Variants in MAPKAP1 observed in about 807,000 individuals in gnomAD.
MAPKAP1 encodes the protein target of rapamycin complex 2 subunit MAPKAP1.
MAPKAP1 carries 20 observed loss-of-function variants against 65.7 expected under a neutral mutation model. The ratio of observed to expected loss-of-function variants is 0.30; its 90% CI spans 0.21 to 0.44. The LOEUF is 0.44. Among genes scored for constraint, MAPKAP1 ranks in the 20% least tolerant of loss-of-function variants. The pLI, the probability that MAPKAP1 is intolerant of heterozygous loss-of-function variation, is 1.00. For synonymous variants in MAPKAP1, 222 were observed against 244.3 expected (o/e 0.91, Z 0.85); for missense variants, 423 against 648.0 (o/e 0.65, Z 3.77).
intron 7 of MAPKAP1, among the ~76,000 whole-genome samples, chr9:125,527,659 T>C (rs1309429230): frequency 6.6e-6 from 1 of 152,012 alleles, no homozygotes; most frequent in Non-Finnish European, 1.5e-5. Flanking sequence ...GGAAAGTGAG[T>C]TTGCTTTTCT....
chr9:125,543,650 C>T (rs932952350), intron 6 of MAPKAP1, among the ~76,000 whole-genome samples: 1 of 152,088 alleles, frequency 6.6e-6, no homozygotes, highest in Non-Finnish European at 1.5e-5. Context: ...AAATATACTT[C>T]AAATGGTGGG....
At chr9:125,485,723 T>C (rs1438630515) in intron 8 of MAPKAP1, among the ~76,000 whole-genome samples, 1 of 152,166 alleles carries the variant, frequency 6.6e-6, no homozygotes, top group Admixed American at 6.5e-5. Flanking sequence ...TGAAATCTTT[T>C]CTGATGGTTC....
At chr9:125,608,856 TACC>T (rs2131625241) in intron 4 of MAPKAP1, among the ~76,000 whole-genome samples, 1 of 152,298 alleles carries the variant, frequency 6.6e-6, no homozygotes, top group African/African-American at 2.4e-5. Context: ...ACAATATTAG[TACC>T]AAGAGAAATA....
chr9:125,609,634 G>A (rs756541364), intron 4 of MAPKAP1, among the ~76,000 whole-genome samples: 3 of 151,932 alleles, frequency 2.0e-5, no homozygotes, highest in Non-Finnish European at 2.9e-5. Flanking sequence ...ACTTGTCACC[G>A]GGCCTGGCCT....
At chr9:125,706,912 G>A in intron 1 of MAPKAP1, 59 bp downstream of exon 1, 1 of 388,590 alleles carries the variant, frequency 2.6e-6, no homozygotes, top group Non-Finnish European at 4.5e-6. Flanking sequence ...GGGCCGCCAG[G>A]TGGGCAAGCT....
intron 3 of MAPKAP1, among the ~76,000 whole-genome samples, chr9:125,667,751 G>A (rs999143639): frequency 2.6e-5 from 4 of 152,092 alleles, no homozygotes; most frequent in Non-Finnish European, 5.9e-5. Context: ...AGCTATGGAA[G>A]TGAAGAACGC....
chr9:125,579,874 G>T (rs189903588), intron 5 of MAPKAP1, among the ~76,000 whole-genome samples: 1 of 152,250 alleles, frequency 6.6e-6, no homozygotes, highest in East Asian at 1.9e-4. Flanking sequence ...ACTAAGAATT[G>T]TAAAAAATTT....
rs922369307 is a variant in MAPKAP1 at position 125,595,661 on chromosome 9, C to G, written c.499-9934G>C. On this transcript the variant is annotated intron_variant, in intron 4 of 11. Transcript: ENST00000265960. This position sits in a 1 kb window ranked among gnomAD's most constrained non-coding sequence, Gnocchi z 4.0. ...GAAGCATCGTTAAAGTCTCTCTTCT[C>G]CCTGCCGTCCTAAGTCAGAGTCTCC... The G allele has an allele frequency of 7.3e-6, 11 of 1,499,244 alleles. No homozygotes were observed. The Admixed American group carries it at 2.4e-4, about 32-fold the overall frequency. The allele number at this position is 1,499,244 out of a possible 1,614,324, so 92.9% of individuals were successfully genotyped here.
rs377128053 is a variant in MAPKAP1, at chr9:125,441,428, C to T, written c.1444-2416G>A. On this transcript the variant is annotated intron_variant, in intron 11 of 11. Coordinates refer to ENST00000265960, the MANE Select transcript of MAPKAP1 (RefSeq NM_001006617.3). ...ATAAAATGGGGACAATGTCTACATT[C>T]TGGAGGGCGGTCAGGAAGATTAAAC... Among the ~76,000 whole-genome samples the T allele has an allele frequency of 2.7e-4, 41 of 152,312 alleles. 1 individual carries two copies. In the East Asian group the frequency reaches 6.4e-3, roughly 24 times the overall value.
At chr9:125,623,038 T>G (rs1176593628) in intron 4 of MAPKAP1, among the ~76,000 whole-genome samples, 1 of 151,444 alleles carries the variant, frequency 6.6e-6, no homozygotes, top group Admixed American at 6.6e-5. Flanking sequence ...CCGCGAGTGA[T>G]CCGCCAACCT....
intron 4 of MAPKAP1, among the ~76,000 whole-genome samples, chr9:125,635,308 C>T (rs185082439): frequency 6.6e-6 from 1 of 152,322 alleles, no homozygotes; most frequent in East Asian, 1.9e-4. Flanking sequence ...AGATTAGAAA[C>T]ATTTCCCAAT....
chr9:125,485,873 C>T (rs778420309), intron 8 of MAPKAP1, among the ~76,000 whole-genome samples: 13 of 152,134 alleles, frequency 8.5e-5, no homozygotes, highest in African/African-American at 3.1e-4. Context: ...TCAGTTTTTG[C>T]CATTCACATC....
intron 1 of MAPKAP1, among the ~76,000 whole-genome samples, chr9:125,682,163 T>C (rs1420448895): frequency 6.6e-6 from 1 of 152,212 alleles, no homozygotes. Flanking sequence ...TAGCTTCCAC[T>C]ACACCCTGGC....
chr9:125,467,751 G>A (rs1027168000), intron 10 of MAPKAP1, among the ~76,000 whole-genome samples: 4 of 152,180 alleles, frequency 2.6e-5, no homozygotes, highest in Non-Finnish European at 5.9e-5. Flanking sequence ...GGTGGGCTGC[G>A]AAGTTCTCTG....
chr9:125,480,660 G>A (rs1426186253), intron 9 of MAPKAP1, among the ~76,000 whole-genome samples: 1 of 152,134 alleles, frequency 6.6e-6, no homozygotes, highest in Non-Finnish European at 1.5e-5. Context: ...ATAACACTAC[G>A]ATAAGCTACT....
At chr9:125,685,693 TCTTCTAAA>T in intron 1 of MAPKAP1, among the ~76,000 whole-genome samples, 1 of 152,362 alleles carries the variant, frequency 6.6e-6, no homozygotes, top group South Asian at 2.1e-4. Context: ...GTTGGTTTTC[TCTTCTAAA>T]CTTCTAAACT....
At chr9:125,495,396 C>T (rs1399552337) in intron 8 of MAPKAP1, among the ~76,000 whole-genome samples, 1 of 152,200 alleles carries the variant, frequency 6.6e-6, no homozygotes, top group Non-Finnish European at 1.5e-5. Flanking sequence ...CATGCCCTCA[C>T]TTAGAGCCCA....
At chr9:125,488,255 T>TA (rs1854567930) in intron 8 of MAPKAP1, among the ~76,000 whole-genome samples, 1 of 152,012 alleles carries the variant, frequency 6.6e-6, no homozygotes, top group Non-Finnish European at 1.5e-5. Flanking sequence ...CCTGAGGGAG[T>TA]ACAGAAGGAA....
At chr9:125,442,717 G>A (rs1852541907) in intron 11 of MAPKAP1, among the ~76,000 whole-genome samples, 1 of 152,098 alleles carries the variant, frequency 6.6e-6, no homozygotes, top group Non-Finnish European at 1.5e-5. Flanking sequence ...CCAAGGAGGG[G>A]CTCTGATCAG....
Sources: allele counts gnomAD v4.1 joint callset (sites outside exome capture counted in the v4.1 genomes callset), GRCh38; gene constraint gnomAD v4.1.1; non-coding constraint Gnocchi (gnomAD v3.1); transcripts MANE v1.5; gene names NCBI Gene and HGNC (gene_info 2026-07-23, HGNC 2026-07-21).